Variants in NOD1 observed in about 807,000 individuals in gnomAD.
NOD1 encodes the protein nucleotide binding oligomerization domain containing 1, also known as nucleotide-binding oligomerization domain-containing protein 1.
NOD1 carries 70 observed loss-of-function variants against 81.2 expected under a neutral mutation model. The observed-to-expected ratio is 0.86, with a 90% confidence interval of 0.71 to 1.05. The LOEUF (loss-of-function observed/expected upper bound fraction) is 1.05. NOD1 is among the 50% of genes least tolerant of loss of function. The pLI is 0.00. For synonymous variants in NOD1, 508 were observed against 526.9 expected (o/e 0.96, Z 0.49); for missense variants, 1,233 against 1,228.0 (o/e 1.00, Z -0.06).
At chr7:30,438,320 G>A (rs944134993) in intron 9 of NOD1, among the ~76,000 whole-genome samples, 6 of 152,166 alleles carry the variant, frequency 3.9e-5, no homozygotes, top group East Asian at 3.8e-4. Context: ...CTCCTGACCC[G>A]GCTCTGCCAT....
At chr7:30,453,427 C>G (rs1002512195) in intron 5 of NOD1, among the ~76,000 whole-genome samples, 1 of 152,176 alleles carries the variant, frequency 6.6e-6, no homozygotes, top group African/African-American at 2.4e-5. Flanking sequence ...CCTCCACCAA[C>G]ACTGCTTTTT....
chr7:30,446,980 G>A lies in NOD1; in HGVS notation c.2356C>T (p.Leu786Phe), dbSNP rs1479020428. 1.2e-6 allele frequency: 2 copies of A among 1,613,940 alleles called. No individual in the cohort carries two copies. The highest frequency in any genetic ancestry group is 1.7e-5 in the Admixed American group (1 of 60,026). ...VTKILDECKG[L>F]THLKLGKNKI... is the part of the protein sequence containing the mutation. ...TACCCCACTTACTTAAGATGCGTGA[G>A]GCCTTTGCATTCATCCAGGATTTTG... Residue 786 changes from leucine to phenylalanine, a missense_variant, in exon 8 of 14, where the codon CTC (leucine) becomes TTC (phenylalanine). Physicochemically the swap from Leu to Phe is conservative, Grantham distance 22. Coordinates refer to ENST00000222823, the MANE Select transcript of NOD1 (RefSeq NM_006092.4).
In NOD1 at chr7:30,467,338, C is replaced by T. The variant is rs1562714688; in HGVS notation, c.-351-7297G>A. On this transcript the variant is annotated intron_variant, in intron 1 of 13. Coordinates refer to ENST00000222823, the MANE Select transcript of NOD1 (RefSeq NM_006092.4). This position sits in a 1 kb window ranked among gnomAD's most constrained non-coding sequence, Gnocchi z 4.5. The stretch of plus-strand genomic sequence containing the variant: ...CCAGGAGTAGGGTAGGACTTTTATT[C>T]GTAATGTTTTTTTTTTTATAAGAAG... Among the ~76,000 whole-genome samples the T allele has an allele frequency of 1.4e-5, 2 of 142,802 alleles. No individual in the cohort carries two copies. Among genetic ancestry groups the T allele is most frequent in the South Asian group, 2.3e-4 (1 of 4,318 alleles). The allele number at this position is 142,802 out of a possible 152,430, so 93.7% of individuals were successfully genotyped here.
chr7:30,475,555 C>T (rs1347094394), intron 1 of NOD1, among the ~76,000 whole-genome samples: 1 of 152,180 alleles, frequency 6.6e-6, no homozygotes, highest in Non-Finnish European at 1.5e-5. Context: ...GGACGTGCAT[C>T]CCTCATCAGG....
intron 8 of NOD1, chr7:30,446,532 G>A (rs1785106601): frequency 2.3e-6 from 1 of 432,414 alleles, no homozygotes; most frequent in Non-Finnish European, 4.2e-6. Flanking sequence ...GACCTGGGAG[G>A]TCCCACTTTG....
At chr7:30,470,886 T>C (rs1322605396) in intron 1 of NOD1, among the ~76,000 whole-genome samples, 1 of 152,108 alleles carries the variant, frequency 6.6e-6, no homozygotes, top group Non-Finnish European at 1.5e-5. Context: ...GGCTGAAGTG[T>C]TTATGCAGAG....
rs938698915 is a variant in NOD1 at position 30,467,950 on chromosome 7, C to T, written c.-351-7909G>A. On this transcript the variant is annotated intron_variant, in intron 1 of 13. Coordinates refer to ENST00000222823, the MANE Select transcript of NOD1 (RefSeq NM_006092.4). The surrounding 1 kb of genome is among the most constrained non-coding windows in gnomAD (Gnocchi z 4.5). ...CTCCTGACCTCAGGTGATCCACCTG[C>T]CTCGACCTCCCAAAGTGCTAGGATT... Among the ~76,000 whole-genome samples the T allele has an allele frequency of 6.6e-6, 1 of 152,284 alleles. No individual in the cohort carries two copies. Among genetic ancestry groups the T allele is most frequent in the South Asian group, 2.1e-4 (1 of 4,820 alleles).
At chr7:30,445,742 G>C (rs925004089) in intron 9 of NOD1, among the ~76,000 whole-genome samples, 7 of 117,550 alleles carry the variant, frequency 6.0e-5, no homozygotes, top group African/African-American at 1.6e-4. Context: ...CTGGGCAACA[G>C]AGCGAGACTC....
At chr7:30,450,259 G>A (rs948526448) in intron 6 of NOD1, among the ~76,000 whole-genome samples, 1 of 152,036 alleles carries the variant, frequency 6.6e-6, no homozygotes, top group African/African-American at 2.4e-5. Context: ...GCTACAGAGG[G>A]AGAGTCACTG....
chr7:30,426,006 A>G (rs1783415128), intron 13 of NOD1, among the ~76,000 whole-genome samples: 1 of 149,180 alleles, frequency 6.7e-6, no homozygotes, highest in Admixed American at 6.7e-5. Context: ...GGCTGTCCTG[A>G]CCTCTCCTCT....
intron 1 of NOD1, chr7:30,460,696 G>C (rs1020925491): frequency 2.0e-6 from 2 of 985,356 alleles, no homozygotes; most frequent in Non-Finnish European, 2.4e-6. Context: ...GGCAGGTGGG[G>C]GTAGAGCCTG....
At chr7:30,463,324 T>C (rs1759225343) in intron 1 of NOD1, among the ~76,000 whole-genome samples, 1 of 152,212 alleles carries the variant, frequency 6.6e-6, no homozygotes, top group African/African-American at 2.4e-5. Flanking sequence ...ACTGAGACTT[T>C]GTTGCTACCG....
intron 12 of NOD1, among the ~76,000 whole-genome samples, chr7:30,430,962 G>A (rs1290530193): frequency 6.6e-6 from 1 of 152,242 alleles, no homozygotes; most frequent in Non-Finnish European, 1.5e-5. Context: ...TCTGTATTCA[G>A]TTACACTCTG....
chr7:30,460,228 G>C, intron 1 of NOD1, 187 bp from the exon 2 acceptor site: 4 of 985,234 alleles, frequency 4.1e-6, no homozygotes, highest in Non-Finnish European at 4.8e-6. Context: ...AGAATCTAAG[G>C]GTAGACCAAA....
intron 7 of NOD1, 61 bp from the exon 8 acceptor site, chr7:30,447,111 G>C (rs1785188513): frequency 1.2e-6 from 2 of 1,611,874 alleles, no homozygotes; most frequent in Admixed American, 3.3e-5. Flanking sequence ...AATAGCCCCT[G>C]TTTTTTGAAG....
chr7:30,437,702 G>A (rs1784503164), intron 9 of NOD1, 46 bp from the exon 10 acceptor site: 2 of 1,382,698 alleles, frequency 1.4e-6, no homozygotes, highest in African/African-American at 3.0e-5. Flanking sequence ...CCAAGAAACA[G>A]CCATGCTCAC....
At position 30,451,171 on chromosome 7, in the gene NOD1, G is replaced by A. The variant is rs756117053; in HGVS notation, c.2201+45C>T. ...GCCATTCCCGATGCCCTCCGAGCCTGGCCCGCCCGGCCCACCTGTTGCTCC... is the reference window on the plus strand; with the variant it reads ...GCCATTCCCGATGCCCTCCGAGCCTAGCCCGCCCGGCCCACCTGTTGCTCC... On this transcript the variant is annotated intron_variant, in intron 6 of 13. Coordinates refer to ENST00000222823, the MANE Select transcript of NOD1 (RefSeq NM_006092.4). The surrounding 1 kb of genome is among the most constrained non-coding windows in gnomAD (Gnocchi z 4.2). 5.0e-6 allele frequency: 8 copies of A among 1,586,064 alleles called. No individual in the cohort carries two copies. In the Admixed American group the frequency reaches 1.4e-4, roughly 27 times the overall value.
intron 11 of NOD1, among the ~76,000 whole-genome samples, chr7:30,433,877 T>C (rs945555093): frequency 6.6e-6 from 1 of 152,232 alleles, no homozygotes; most frequent in African/African-American, 2.4e-5. Flanking sequence ...TGCTTCATTT[T>C]AAGACAATCA....
chr7:30,425,232 CCTCAA>C lies in NOD1; in HGVS notation c.*401_*405del, dbSNP rs1302615158. On this transcript the variant is annotated 3_prime_UTR_variant, in exon 14 of 14. Coordinates refer to ENST00000222823, the MANE Select transcript of NOD1 (RefSeq NM_006092.4). ...GCTTGGCACCAACTTTGTGCCACATCCTCAACTCTTCAATGAAAAGAGCGGTGACC... is the reference window on the plus strand; with the variant it reads ...GCTTGGCACCAACTTTGTGCCACATCCTCTTCAATGAAAAGAGCGGTGACC... 2 of 203,100 alleles carry C rather than the reference CCTCAA, an allele frequency of 9.8e-6. No individual in the cohort carries two copies. Among genetic ancestry groups the C allele is most frequent in the South Asian group, 1.9e-4 (2 of 10,530 alleles). The allele number at this position is 203,100 out of a possible 1,614,324, so 12.6% of individuals were successfully genotyped here. A position where few individuals can be genotyped will look rare whatever the true frequency, so the allele number is the denominator to read the frequency against.
Sources: allele counts gnomAD v4.1 joint callset (sites outside exome capture counted in the v4.1 genomes callset), GRCh38; gene constraint gnomAD v4.1.1; non-coding constraint Gnocchi (gnomAD v3.1); transcripts MANE v1.5; gene names NCBI Gene and HGNC (gene_info 2026-07-23, HGNC 2026-07-21).